KCNIP4: variants seen among roughly 807,000 people sequenced by gnomAD.
KCNIP4 encodes potassium voltage-gated channel interacting protein 4.
In KCNIP4, 12 loss-of-function variants were observed where a neutral mutation model predicts 34.0. That is an observed-to-expected ratio of 0.35 (90% CI 0.23 to 0.57). KCNIP4 has a LOEUF of 0.57. Among genes scored for constraint, KCNIP4 ranks in the 20% least tolerant of loss-of-function variants. KCNIP4 has a pLI of 0.83. For missense variants in KCNIP4, 238 were observed against 311.7 expected, an observed-to-expected ratio of 0.76 and a Z score of 1.78; for synonymous variants, 124 against 102.2, an observed-to-expected ratio of 1.21 and a Z score of -1.29.
At chr4:21,230,900 A>G (rs1465547873) in intron 1 of KCNIP4, among the ~76,000 whole-genome samples, 1 of 152,134 alleles carries the variant, frequency 6.6e-6, no homozygotes, top group Non-Finnish European at 1.5e-5. Context: ...TTCTGGATCA[A>G]ATGGTATTTC....
At chr4:21,209,213 G>T (rs1757059194) in intron 1 of KCNIP4, among the ~76,000 whole-genome samples, 1 of 152,092 alleles carries the variant, frequency 6.6e-6, no homozygotes, top group African/African-American at 2.4e-5. Context: ...TCAGATCAGG[G>T]TAATTAACAT....
intron 4 of KCNIP4, among the ~76,000 whole-genome samples, chr4:20,753,272 A>G (rs1476309342): frequency 6.6e-6 from 1 of 152,176 alleles, no homozygotes; most frequent in Non-Finnish European, 1.5e-5. Flanking sequence ...TTCCTATACC[A>G]TCTCTTAGAA....
intron 1 of KCNIP4, among the ~76,000 whole-genome samples, chr4:21,038,952 G>A (rs1230809877): frequency 6.6e-6 from 1 of 152,172 alleles, no homozygotes; most frequent in African/African-American, 2.4e-5. Context: ...GTGAAGGCTG[G>A]CATCCACATC....
chr4:21,372,407 C>T (rs1002933426), intron 1 of KCNIP4, among the ~76,000 whole-genome samples: 1 of 117,404 alleles, frequency 8.5e-6, no homozygotes, highest in Non-Finnish European at 1.8e-5. Context: ...GATAGACAGA[C>T]AGACAGATAC....
At chr4:21,112,070 T>TATCA (rs1480679571) in intron 1 of KCNIP4, among the ~76,000 whole-genome samples, 2 of 134,154 alleles carry the variant, frequency 1.5e-5, no homozygotes, top group African/African-American at 5.2e-5. Flanking sequence ...TCTATCTATC[T>TATCA]ATCATCTATA....
chr4:21,583,651 G>C (rs1741401602), intron 1 of KCNIP4, among the ~76,000 whole-genome samples: 1 of 151,828 alleles, frequency 6.6e-6, no homozygotes, highest in Non-Finnish European at 1.5e-5. Context: ...ATGTTTAAAG[G>C]GTAAATTTTC....
At chr4:21,316,346 T>C (rs1206002667) in intron 1 of KCNIP4, 1 of 152,002 alleles carries the variant, frequency 6.6e-6, no homozygotes, top group Non-Finnish European at 1.5e-5. Flanking sequence ...GAAGGAGGAA[T>C]GGAAAGGAAC....
At chr4:21,730,943 T>C (rs1715546673) in intron 1 of KCNIP4, among the ~76,000 whole-genome samples, 1 of 151,674 alleles carries the variant, frequency 6.6e-6, no homozygotes, top group Non-Finnish European at 1.5e-5. Flanking sequence ...CAAAACACCA[T>C]CTCTATAAAA....
At chr4:21,474,672 T>C (rs1176546695) in intron 1 of KCNIP4, among the ~76,000 whole-genome samples, 1 of 151,916 alleles carries the variant, frequency 6.6e-6, no homozygotes, top group Non-Finnish European at 1.5e-5. Flanking sequence ...AGGGAGAGAC[T>C]TCACATGAGG....
intron 1 of KCNIP4, among the ~76,000 whole-genome samples, chr4:21,719,894 C>T (rs775124774): frequency 1.4e-5 from 2 of 145,916 alleles, no homozygotes; most frequent in Non-Finnish European, 3.0e-5. Context: ...ACCTGGGAGG[C>T]AGAGGTTACA....
rs974131880 is a variant in KCNIP4, at chr4:21,697,265, A to G, written c.61+251306T>C. 6 of 1,347,032 alleles carry G rather than the reference A, an allele frequency of 4.5e-6. No individual in the cohort carries two copies. The African/African-American group carries it at 8.2e-5, about 18-fold the overall frequency. 83.4% of individuals were successfully genotyped at this position (1,347,032 alleles called of 1,614,324 possible). A position where few individuals can be genotyped will look rare whatever the true frequency, so the allele number is the denominator to read the frequency against. Reference sequence around the variant, plus strand: ...TTAAAAATAATCACAACAAAGAAATAGCCTTTCCTATTCCATTTCAACTTC... The same window carrying G: ...TTAAAAATAATCACAACAAAGAAATGGCCTTTCCTATTCCATTTCAACTTC... On this transcript the variant is annotated intron_variant, in intron 1 of 8. Transcript: ENST00000382152.
At chr4:21,601,073 C>A (rs899502130) in intron 1 of KCNIP4, among the ~76,000 whole-genome samples, 3 of 151,306 alleles carry the variant, frequency 2.0e-5, no homozygotes, top group African/African-American at 4.9e-5. Context: ...GCTTACCACA[C>A]ATCCCTTCAT....
At chr4:21,256,749 A>T (rs1458057469) in intron 1 of KCNIP4, among the ~76,000 whole-genome samples, 1 of 152,204 alleles carries the variant, frequency 6.6e-6, no homozygotes, top group African/African-American at 2.4e-5. Flanking sequence ...TGCTTTAAAG[A>T]TTATCTGAAA....
intron 1 of KCNIP4, among the ~76,000 whole-genome samples, chr4:20,936,549 T>C (rs7667346): frequency 0.024 from 3,629 of 151,258 alleles, 132 homozygotes; most frequent in African/African-American, 0.076. Context: ...CTGAGTCCAG[T>C]ACCCTAGTAG....
At chr4:20,922,101 T>C (rs906394132) in intron 1 of KCNIP4, among the ~76,000 whole-genome samples, 2 of 152,192 alleles carry the variant, frequency 1.3e-5, no homozygotes, top group Non-Finnish European at 2.9e-5. Context: ...AGCCCAGCTT[T>C]GTGACTGTTA....
At chr4:21,007,504 C>A (rs577558813) in intron 1 of KCNIP4, among the ~76,000 whole-genome samples, 1 of 152,292 alleles carries the variant, frequency 6.6e-6, no homozygotes, top group Admixed American at 6.5e-5. Context: ...TTCATTCTTT[C>A]CAAGTTTTTT....
intron 3 of KCNIP4, among the ~76,000 whole-genome samples, chr4:20,770,860 G>A (rs1187601379): frequency 2.0e-5 from 3 of 152,154 alleles, no homozygotes; most frequent in African/African-American, 7.2e-5. Context: ...GCTTGAGCCC[G>A]GGAGGCAGAG....
intron 1 of KCNIP4, among the ~76,000 whole-genome samples, chr4:21,665,883 T>C (rs1748906205): frequency 6.6e-6 from 1 of 152,174 alleles, no homozygotes; most frequent in South Asian, 2.1e-4. Flanking sequence ...CCTCTGACCA[T>C]ACATGGCGCC....
intron 1 of KCNIP4, among the ~76,000 whole-genome samples, chr4:21,802,998 C>T (rs926589985): frequency 2.6e-5 from 4 of 152,114 alleles, no homozygotes; most frequent in Non-Finnish European, 5.9e-5. Flanking sequence ...ATTCCTGAAC[C>T]AACCTTCCTG....
Sources: gnomAD v4.1 joint callset for allele counts (sites outside exome capture counted in the v4.1 genomes callset) on GRCh38, gnomAD v4.1.1 for gene constraint, MANE v1.5 for transcripts, NCBI Gene and HGNC (gene_info 2026-07-23, HGNC 2026-07-21) for gene names.